ZNF318: variants seen among roughly 807,000 people sequenced by gnomAD.
The protein encoded by ZNF318 is endocrine regulator.
A neutral mutation model predicts 124.2 loss-of-function variants in ZNF318; 51 were observed. That is an observed-to-expected ratio of 0.41 (90% CI 0.33 to 0.52). The LOEUF (loss-of-function observed/expected upper bound fraction) is 0.52. Among genes scored for constraint, ZNF318 ranks in the 20% least tolerant of loss-of-function variants. The pLI, the probability that ZNF318 is intolerant of heterozygous loss-of-function variation, is 0.23. For missense variants in ZNF318, 2,815 were observed against 2,811.2 expected, an observed-to-expected ratio of 1.00 and a Z score of -0.03; for synonymous variants, 1,090 against 1,040.7, an observed-to-expected ratio of 1.05 and a Z score of -0.91.
rs1350126297 is a variant in ZNF318, at chr6:43,348,472, T to C, written c.2924A>G (p.Lys975Arg). 1.6e-5 allele frequency: 26 copies of C among 1,614,176 alleles called. No individual in the cohort carries two copies. The highest frequency in any genetic ancestry group is 2.2e-5 in the East Asian group (1 of 44,884). Residue 975 changes from lysine (K) to arginine (R), a missense_variant, in exon 6 of 10, where the codon AAA becomes AGA. Transcript: ENST00000361428. Reference sequence around the variant, plus strand: ...GTTAATTCCCAAGATCTGAGCCACTTTGTCCAGTTCAGATTGCTTCTTTTC... The same window carrying C: ...GTTAATTCCCAAGATCTGAGCCACTCTGTCCAGTTCAGATTGCTTCTTTTC... ...EAEKKQSELD[K>R]VAQILGINIF...
In ZNF318 at chr6:43,357,425, G is replaced by A. The variant is rs137929235; in HGVS notation, c.889C>T (p.Arg297Cys). Residue 297 changes from arginine to cysteine, a missense_variant, in exon 3 of 10, where the codon CGC becomes TGC. By Grantham distance (180) the Arg-to-Cys change is radical. Transcript: ENST00000361428. ...CTTCTTCTACGCTGTCGATAGTTGC[G>A]AGTTCCTGATGTAAAACTTGGGTGA... The part of the protein sequence containing the change: ...GDHPSFTSGT[R>C]NYRQRRRSPS... The A allele has an allele frequency of 1.1e-5, 18 of 1,614,024 alleles. No homozygotes were observed. The highest frequency in any genetic ancestry group is 2.7e-5 in the African/African-American group (2 of 74,918).
chr6:43,369,436 C>CGCCGCAGCTGCAGCCGCCGCCACCTCG lies in ZNF318; in HGVS notation c.-98_-72dup, dbSNP rs1214930890. On this transcript the variant is annotated 5_prime_UTR_variant, in exon 1 of 10. Coordinates refer to ENST00000361428, the MANE Select transcript of ZNF318 (RefSeq NM_014345.3). The stretch of plus-strand genomic sequence containing the variant: ...CCCTAGACGCAGGCTCGGAGCGCGC[C>CGCCGCAGCTGCAGCCGCCGCCACCTCG]GCCGCAGCTGCAGCCGCCGCCACCT... 3 of 1,125,270 alleles carry CGCCGCAGCTGCAGCCGCCGCCACCTCG rather than the reference C, an allele frequency of 2.7e-6. No individual in the cohort carries two copies. Among genetic ancestry groups the CGCCGCAGCTGCAGCCGCCGCCACCTCG allele is most frequent in the Non-Finnish European group, 3.3e-6 (3 of 914,814 alleles). 69.7% of individuals were successfully genotyped at this position (1,125,270 alleles called of 1,614,324 possible).
intron 1 of ZNF318, among the ~76,000 whole-genome samples, chr6:43,365,960 G>C (rs1367757249): frequency 6.6e-6 from 1 of 152,154 alleles, no homozygotes; most frequent in Non-Finnish European, 1.5e-5. Flanking sequence ...TGGGAAAAGA[G>C]AAGTGAATAA....
At position 43,348,419 on chromosome 6, in the gene ZNF318, T is replaced by A; in HGVS notation, c.2977A>T (p.Ser993Cys). The A allele has an allele frequency of 6.2e-7, 1 of 1,614,230 alleles. No individual in the cohort carries two copies. The highest frequency in any genetic ancestry group is 1.1e-5 in the South Asian group (1 of 91,082). The change falls in exon 6 of 10, where the codon AGT becomes TGT. Residue 993 changes from serine (S) to cysteine (C), a missense_variant. Ser to Cys is a moderately radical substitution (Grantham distance 112). Transcript: ENST00000361428. ...NIFDKSQKSL[S>C]DSREPTEKPG... Reference sequence around the variant, plus strand: ...TTCTCTGTAGGCTCTCTACTGTCACTTAAAGACTTCTGGGATTTATCGAAG... The same window carrying A: ...TTCTCTGTAGGCTCTCTACTGTCACATAAAGACTTCTGGGATTTATCGAAG...
Position 43,337,701 on chromosome 6 carries a change from G to A in ZNF318, c.6297C>T (p.Ile2099=). 1 of 1,614,122 alleles carries A rather than the reference G, an allele frequency of 6.2e-7. No homozygotes were observed. The highest frequency in any genetic ancestry group is 1.3e-5 in the African/African-American group (1 of 75,036). Residue 2099 remains isoleucine, a synonymous_variant, in exon 10 of 10, where the codon ATC becomes ATT. Transcript: ENST00000361428. Reference sequence around the variant, plus strand: ...CAGTTTTCAAAATGTTAGGAGAAGGGATCCTAACACTCCTGGGATTAGGTG... The same window carrying A: ...CAGTTTTCAAAATGTTAGGAGAAGGAATCCTAACACTCCTGGGATTAGGTG... The part of the protein sequence containing the change: ...RNSPNPRSVR[I]PSPNILKTGL...
rs147867665 is a variant in ZNF318, at chr6:43,348,805, G to T, written c.2771-180C>A. On this transcript the variant is annotated intron_variant, in intron 5 of 9. Transcript: ENST00000361428. ...TTCCAGCACTTTGGGAGACCAAGGCGGGTGACTACTTGAGTTCAGGTGCTC... is the reference window on the plus strand; with the variant it reads ...TTCCAGCACTTTGGGAGACCAAGGCTGGTGACTACTTGAGTTCAGGTGCTC... Among the ~76,000 whole-genome samples, 702 of 152,278 alleles carry T rather than the reference G, an allele frequency of 4.6e-3. 4 individuals are homozygous for T. The highest frequency in any genetic ancestry group is 0.016 in the African/African-American group (669 of 41,548).
rs1322251919 is a variant in ZNF318 at position 43,336,901 on chromosome 6, C to CA, written c.*256dup. ...ACAAAGTGGGAGAAAATAAATTGGC[C>CA]AAAAAAATTAACAAAATACATTTTT... On this transcript the variant is annotated 3_prime_UTR_variant, in exon 10 of 10. Transcript: ENST00000361428. 2 of 188,900 alleles carry CA rather than the reference C, an allele frequency of 1.1e-5. No individual in the cohort carries two copies. The highest frequency in any genetic ancestry group is 4.8e-5 in the African/African-American group (2 of 41,642). 11.7% of individuals were successfully genotyped at this position (188,900 alleles called of 1,614,324 possible). A position where few individuals can be genotyped will look rare whatever the true frequency, so the allele number is the denominator to read the frequency against.
rs1412729302 is a variant in ZNF318, at chr6:43,336,411, G to A, written c.*747C>T. 10 of 152,404 alleles carry A rather than the reference G, an allele frequency of 6.6e-5. No homozygotes were observed. In the East Asian group the frequency reaches 1.4e-3, roughly 21 times the overall value. 9.4% of individuals were successfully genotyped at this position (152,404 alleles called of 1,614,324 possible). On this transcript the variant is annotated 3_prime_UTR_variant, in exon 10 of 10. Coordinates refer to ENST00000361428, the MANE Select transcript of ZNF318 (RefSeq NM_014345.3). ...TGATCTCAAAAGCATATCTGCTCCT[G>A]GCAATGAACCATGAATAAGCCTTAC...
In ZNF318 at chr6:43,337,726, G is replaced by A. The variant is rs760156174; in HGVS notation, c.6272C>T (p.Ser2091Leu). The A allele has an allele frequency of 6.2e-7, 1 of 1,614,192 alleles. No individual in the cohort carries two copies. Among genetic ancestry groups the A allele is most frequent in the Admixed American group, 1.7e-5 (1 of 60,026 alleles). Residue 2091 changes from serine to leucine, a missense_variant, in exon 10 of 10, where the codon TCA (serine) becomes TTA (leucine). Around this residue, in one of 4 missense-constraint regions of ZNF318, gnomAD observed 927 missense variants for 820.6 expected, o/e 1.13. Transcript: ENST00000361428. ...GATCCTAACACTCCTGGGATTAGGT[G>A]AGTTTCGTTCACCCTCTGTCTCAAA... Reference protein sequence around the residue: ...LDFETEGERNSPNPRSVRIPS... With the variant: ...LDFETEGERNLPNPRSVRIPS...
chr6:43,340,245 C>G lies in ZNF318; in HGVS notation c.3753G>C (p.Arg1251Ser). ...TTAACTGGAGTTTGATGCCAGTGTT[C>G]CTTTTATTTTCAGCTTTTTCAGGGG... ...RNSPEKAENK[R>S]NTGIKLQLKE... The change falls in exon 10 of 10, where the codon AGG (arginine) becomes AGC (serine). Residue 1251 changes from arginine to serine, a missense_variant. Physicochemically the swap from Arg to Ser is moderately radical, Grantham distance 110 (BLOSUM62 -1). Transcript: ENST00000361428. 1 of 1,614,044 alleles carries G rather than the reference C, an allele frequency of 6.2e-7. No individual in the cohort carries two copies. The highest frequency in any genetic ancestry group is 8.5e-7 in the Non-Finnish European group (1 of 1,180,006).
chr6:43,362,035 T>C (rs956171171), intron 2 of ZNF318, among the ~76,000 whole-genome samples: 4 of 152,134 alleles, frequency 2.6e-5, no homozygotes, highest in African/African-American at 9.7e-5. Context: ...GGTGTGTGCC[T>C]GTATTCCTAG....
Position 43,355,990 on chromosome 6 carries a change from G to A in ZNF318, c.1344C>T (p.Gly448=). The change falls in exon 4 of 10, where the codon GGC becomes GGT. Residue 448 remains glycine, a synonymous_variant. Coordinates refer to ENST00000361428, the MANE Select transcript of ZNF318 (RefSeq NM_014345.3). ...MVETALKEPQ[G]NLYQWGPLPG... ...GAAGGGGACCCCATTGGTAGAGGTT[G>A]CCCTGAGGTTCCTTCAAGGCAGTCT... is the stretch of plus-strand genomic sequence containing the variant. 6.2e-7 allele frequency: 1 copy of A among 1,614,176 alleles called. No homozygotes were observed. The highest frequency in any genetic ancestry group is 1.1e-5 in the South Asian group (1 of 91,086).
chr6:43,338,287 A>G lies in ZNF318; in HGVS notation c.5711T>C (p.Leu1904Ser), dbSNP rs1779318203. 6.2e-7 allele frequency: 1 copy of G among 1,614,102 alleles called. No homozygotes were observed. The highest frequency in any genetic ancestry group is 1.1e-5 in the South Asian group (1 of 91,086). The change falls in exon 10 of 10, where the codon TTA (leucine) becomes TCA (serine). Residue 1904 changes from leucine (L) to serine (S), a missense_variant. Transcript: ENST00000361428. ...LHSPARSAMC[L>S]TGSPQEQGVS... is the part of the protein sequence containing the mutation. Reference sequence around the variant, plus strand: ...TCCTTGCTCTTGTGGACTACCTGTTAAACACATAGCTGATCTGGCTGGGGA... The same window carrying G: ...TCCTTGCTCTTGTGGACTACCTGTTGAACACATAGCTGATCTGGCTGGGGA...
At chr6:43,367,268 G>A (rs1779774865) in intron 1 of ZNF318, among the ~76,000 whole-genome samples, 1 of 152,088 alleles carries the variant, frequency 6.6e-6, no homozygotes, top group Non-Finnish European at 1.5e-5. Flanking sequence ...ATAAGGATAG[G>A]AGTTTTTTTC....
Position 43,352,580 on chromosome 6 carries a change from T to C in ZNF318, c.2671-104A>G, listed in dbSNP as rs969695538. On this transcript the variant is annotated intron_variant, in intron 4 of 9. Transcript: ENST00000361428. ...CCTAGACATTATCTGAATGTAAGGA[T>C]CCAAATGCCTGCACACAGGCTCTGA... 79 of 1,010,472 alleles carry C rather than the reference T, an allele frequency of 7.8e-5. 2 individuals are homozygous for C. The South Asian group carries it at 7.9e-4, about 10-fold the overall frequency. The allele number at this position is 1,010,472 out of a possible 1,614,324, so 62.6% of individuals were successfully genotyped here. A position where few individuals can be genotyped will look rare whatever the true frequency, so the allele number is the denominator to read the frequency against.
At position 43,337,037 on chromosome 6, in the gene ZNF318, G is replaced by C. The variant is rs1015245872; in HGVS notation, c.*121C>G. 3.2e-6 allele frequency: 3 copies of C among 931,238 alleles called. No individual in the cohort carries two copies. The highest frequency in any genetic ancestry group is 2.8e-5 in the East Asian group (1 of 35,514). The allele number at this position is 931,238 out of a possible 1,614,324, so 57.7% of individuals were successfully genotyped here. ...TAGCTTCCATGAACATTTACTTTAA[G>C]ATGCTGACTGCATCTCTTGGTGTAG... On this transcript the variant is annotated 3_prime_UTR_variant, in exon 10 of 10. Coordinates refer to ENST00000361428, the MANE Select transcript of ZNF318 (RefSeq NM_014345.3).
chr6:43,366,076 G>A (rs1779757754), intron 1 of ZNF318, among the ~76,000 whole-genome samples: 1 of 152,096 alleles, frequency 6.6e-6, no homozygotes, highest in Non-Finnish European at 1.5e-5. Context: ...AAGTGCTATA[G>A]TCATTAAAAC....
chr6:43,361,593 A>C (rs1779683087), intron 2 of ZNF318, among the ~76,000 whole-genome samples: 1 of 152,212 alleles, frequency 6.6e-6, no homozygotes, highest in African/African-American at 2.4e-5. Context: ...TTTTTAAATA[A>C]ATAGCTCCAT....
chr6:43,348,762 G>GAGCCACCAC, intron 5 of ZNF318, 137 bp from the exon 6 acceptor site: 1 of 1,022,336 alleles, frequency 9.8e-7, no homozygotes, highest in Non-Finnish European at 1.4e-6. Context: ...GGCTAGGCGT[G>GAGCCACCAC]GTGGCTCATG....
Sources: allele counts gnomAD v4.1 joint callset (sites outside exome capture counted in the v4.1 genomes callset), GRCh38; gene constraint gnomAD v4.1.1; regional missense constraint gnomAD v4.1.1; transcripts MANE v1.5; gene names NCBI Gene and HGNC (gene_info 2026-07-23, HGNC 2026-07-21).